H2BC10: variants seen among roughly 807,000 people sequenced by gnomAD.
H2BC10 encodes histone H2B type 1-C/E/F/G/I.
In H2BC10, 6 loss-of-function variants were observed where a neutral mutation model predicts 6.4. That is an observed-to-expected ratio of 0.93 (90% CI 0.51 to 1.84). The LOEUF is 1.84. Ranked by LOEUF, H2BC10 falls within the 40% of genes most tolerant of loss-of-function variation. The pLI, the probability that H2BC10 is intolerant of heterozygous loss-of-function variation, is 0.01. For synonymous variants in H2BC10, 120 were observed against 72.8 expected, an observed-to-expected ratio of 1.65 and a Z score of -3.30; for missense variants, 191 against 168.7, an observed-to-expected ratio of 1.13 and a Z score of -0.73.
chr6:26,273,050 G>A lies in H2BC10; in HGVS notation c.75G>A (p.Lys25=), dbSNP rs1201694359. 7 of 1,614,258 alleles carry A rather than the reference G, an allele frequency of 4.3e-6. No homozygotes were observed. The highest frequency in any genetic ancestry group is 4.5e-5 in the East Asian group (2 of 44,886). ...AGGCGGTGACCAAGGCACAGAAGAAGGATGGCAAGAAGCGCAAGCGCAGCC... is the reference window on the plus strand; with the variant it reads ...AGGCGGTGACCAAGGCACAGAAGAAAGATGGCAAGAAGCGCAAGCGCAGCC... ...SKKAVTKAQK[K]DGKKRKRSRK... is the part of the protein sequence containing the mutation. Residue 25 remains lysine, a synonymous_variant, in exon 1 of 1, where the codon AAG becomes AAA. Coordinates refer to ENST00000377733, the MANE Select transcript of H2BC10 (RefSeq NM_003525.3).
Position 26,272,998 on chromosome 6 carries a change from C to T in H2BC10, c.23C>T (p.Ala8Val). The change falls in exon 1 of 1, where the codon GCT becomes GTT. Residue 8 changes from alanine (A) to valine (V), a missense_variant. Transcript: ENST00000377733. The stretch of plus-strand genomic sequence containing the variant: ...AACATGCCTGAACCAGCTAAGTCAG[C>T]TCCCGCCCCGAAGAAGGGCTCCAAG... MPEPAKS[A>V]PAPKKGSKKA... 1 of 1,614,216 alleles carries T rather than the reference C, an allele frequency of 6.2e-7. No homozygotes were observed. The highest frequency in any genetic ancestry group is 8.5e-7 in the Non-Finnish European group (1 of 1,180,042).
chr6:26,273,101 G>T lies in H2BC10; in HGVS notation c.126G>T (p.Val42=), dbSNP rs760668916. 6.2e-7 allele frequency: 1 copy of T among 1,614,262 alleles called. No individual in the cohort carries two copies. The highest frequency in any genetic ancestry group is 8.5e-7 in the Non-Finnish European group (1 of 1,180,054). The change falls in exon 1 of 1, where the codon GTG becomes GTT. Residue 42 remains valine, a synonymous_variant. Transcript: ENST00000377733. ...RSRKESYSVY[V]YKVLKQVHPD... Reference sequence around the variant, plus strand: ...GCAAGGAGAGCTATTCCGTGTACGTGTACAAGGTGCTGAAGCAGGTCCACC... The same window carrying T: ...GCAAGGAGAGCTATTCCGTGTACGTTTACAAGGTGCTGAAGCAGGTCCACC...
rs1319550966 is a variant in H2BC10, at chr6:26,273,318, G to A, written c.343G>A (p.Gly115Ser). The A allele has an allele frequency of 1.2e-6, 2 of 1,614,044 alleles. No individual in the cohort carries two copies. The highest frequency in any genetic ancestry group is 1.7e-6 in the Non-Finnish European group (2 of 1,180,020). Reference sequence around the variant, plus strand: ...GCTGGCCAAACACGCGGTGTCGGAGGGCACCAAGGCGGTCACCAAGTACAC... The same window carrying A: ...GCTGGCCAAACACGCGGTGTCGGAGAGCACCAAGGCGGTCACCAAGTACAC... ...GELAKHAVSE[G>S]TKAVTKYTSS... Residue 115 changes from glycine to serine, a missense_variant, in exon 1 of 1, where the codon GGC becomes AGC. By Grantham distance (56) the Gly-to-Ser change is moderately conservative. Transcript: ENST00000377733.
rs765163815 is a variant in H2BC10 at position 26,272,972 on chromosome 6, G to A, written c.-4G>A. 1.9e-6 allele frequency: 3 copies of A among 1,614,156 alleles called. No individual in the cohort carries two copies. The highest frequency in any genetic ancestry group is 1.7e-6 in the Non-Finnish European group (2 of 1,180,040). On this transcript the variant is annotated 5_prime_UTR_variant, in exon 1 of 1. Coordinates refer to ENST00000377733, the MANE Select transcript of H2BC10 (RefSeq NM_003525.3). ...CATTTGACGGTATCACTTCGGCTGC[G>A]AACATGCCTGAACCAGCTAAGTCAG...
rs923259924 is a variant in H2BC10 at position 26,273,203 on chromosome 6, C to CGAG, written c.230_232dup (p.Glu77dup). ...ACGACATTTTCGAGCGCATTGCAGG[C>CGAG]GAGGCTTCCCGCCTGGCGCATTATA... On this transcript the variant is annotated inframe_insertion, in exon 1 of 1. Coordinates refer to ENST00000377733, the MANE Select transcript of H2BC10 (RefSeq NM_003525.3). 5 of 1,614,098 alleles carry CGAG rather than the reference C, an allele frequency of 3.1e-6. No individual in the cohort carries two copies. The African/African-American group carries it at 6.7e-5, about 22-fold the overall frequency.
rs1483389580 is a variant in H2BC10, at chr6:26,273,282, C to G, written c.307C>G (p.Leu103Val). ...GATCCAAACGGCTGTGCGCCTGCTGCTACCCGGGGAGCTGGCCAAACACGC... is the reference window on the plus strand; with the variant it reads ...GATCCAAACGGCTGTGCGCCTGCTGGTACCCGGGGAGCTGGCCAAACACGC... ...REIQTAVRLL[L>V]PGELAKHAVS... The change falls in exon 1 of 1, where the codon CTA (leucine) becomes GTA (valine). Residue 103 changes from leucine to valine, a missense_variant. By Grantham distance (32) the Leu-to-Val change is conservative (BLOSUM62 1). Coordinates refer to ENST00000377733, the MANE Select transcript of H2BC10 (RefSeq NM_003525.3). The G allele has an allele frequency of 6.2e-7, 1 of 1,614,236 alleles. No individual in the cohort carries two copies.
rs145382186 is a variant in H2BC10, at chr6:26,272,985, C to A, written c.10C>A (p.Pro4Thr). ...CACTTCGGCTGCGAACATGCCTGAACCAGCTAAGTCAGCTCCCGCCCCGAA... is the reference window on the plus strand; with the variant it reads ...CACTTCGGCTGCGAACATGCCTGAAACAGCTAAGTCAGCTCCCGCCCCGAA... Reference protein sequence around the residue: MPEPAKSAPAPKKG... With the variant: MPETAKSAPAPKKG... The change falls in exon 1 of 1, where the codon CCA becomes ACA. Residue 4 changes from proline to threonine, a missense_variant. Transcript: ENST00000377733. 3.3e-4 allele frequency: 525 copies of A among 1,614,086 alleles called. 2 individuals are homozygous for A. The highest frequency in any genetic ancestry group is 6.9e-5 in the Non-Finnish European group (81 of 1,180,056).
Position 26,272,962 on chromosome 6 carries a change from C to T in H2BC10, c.-14C>T, listed in dbSNP as rs201963051. On this transcript the variant is annotated 5_prime_UTR_variant, in exon 1 of 1. Coordinates refer to ENST00000377733, the MANE Select transcript of H2BC10 (RefSeq NM_003525.3). Reference sequence around the variant, plus strand: ...TTCCTGTGGTCATTTGACGGTATCACTTCGGCTGCGAACATGCCTGAACCA... The same window carrying T: ...TTCCTGTGGTCATTTGACGGTATCATTTCGGCTGCGAACATGCCTGAACCA... 24 of 1,614,076 alleles carry T rather than the reference C, an allele frequency of 1.5e-5. No homozygotes were observed. The Admixed American group carries it at 3.0e-4, about 20-fold the overall frequency.
At position 26,273,257 on chromosome 6, in the gene H2BC10, G is replaced by A. The variant is rs540774074; in HGVS notation, c.282G>A (p.Glu94=). The change falls in exon 1 of 1, where the codon GAG becomes GAA. Residue 94 remains glutamate (E), a synonymous_variant. Coordinates refer to ENST00000377733, the MANE Select transcript of H2BC10 (RefSeq NM_003525.3). The stretch of plus-strand genomic sequence containing the variant: ...AGCGCTCGACCATCACTTCCAGGGA[G>A]ATCCAAACGGCTGTGCGCCTGCTGC... ...YNKRSTITSR[E]IQTAVRLLLP... 4 of 1,614,204 alleles carry A rather than the reference G, an allele frequency of 2.5e-6. No homozygotes were observed. The highest frequency in any genetic ancestry group is 4.5e-5 in the East Asian group (2 of 44,880).
Position 26,272,988 on chromosome 6 carries a change from G to C in H2BC10, c.13G>C (p.Ala5Pro), listed in dbSNP as rs1240727430. The change falls in exon 1 of 1, where the codon GCT becomes CCT. Residue 5 changes from alanine (A) to proline (P), a missense_variant. Coordinates refer to ENST00000377733, the MANE Select transcript of H2BC10 (RefSeq NM_003525.3). ...TTCGGCTGCGAACATGCCTGAACCA[G>C]CTAAGTCAGCTCCCGCCCCGAAGAA... Reference protein sequence around the residue: MPEPAKSAPAPKKGS... With the variant: MPEPPKSAPAPKKGS... The C allele has an allele frequency of 1.2e-6, 2 of 1,614,210 alleles. No homozygotes were observed. The highest frequency in any genetic ancestry group is 1.7e-6 in the Non-Finnish European group (2 of 1,180,044).
Position 26,273,329 on chromosome 6 carries a change from G to C in H2BC10, c.354G>C (p.Ala118=). Residue 118 remains alanine, a synonymous_variant, in exon 1 of 1, where the codon GCG becomes GCC. Transcript: ENST00000377733. ...AKHAVSEGTK[A]VTKYTSSK ...ACGCGGTGTCGGAGGGCACCAAGGC[G>C]GTCACCAAGTACACCAGCTCCAAGT... 1 of 1,614,066 alleles carries C rather than the reference G, an allele frequency of 6.2e-7. No individual in the cohort carries two copies. Among genetic ancestry groups the C allele is most frequent in the Non-Finnish European group, 8.5e-7 (1 of 1,179,984 alleles).
Position 26,273,060 on chromosome 6 carries a change from A to T in H2BC10, c.85A>T (p.Lys29Ter). 1.2e-6 allele frequency: 2 copies of T among 1,614,274 alleles called. No individual in the cohort carries two copies. The highest frequency in any genetic ancestry group is 2.2e-5 in the East Asian group (1 of 44,890). ...CAAGGCACAGAAGAAGGATGGCAAGAAGCGCAAGCGCAGCCGCAAGGAGAG... is the reference window on the plus strand; with the variant it reads ...CAAGGCACAGAAGAAGGATGGCAAGTAGCGCAAGCGCAGCCGCAAGGAGAG... ...VTKAQKKDGK[K>*]RKRSRKESYS... Residue 29 changes from lysine to a stop codon, truncating the protein, a stop_gained, in exon 1 of 1, where the codon AAG (lysine) becomes TAG (stop). Coordinates refer to ENST00000377733, the MANE Select transcript of H2BC10 (RefSeq NM_003525.3). LOFTEE classifies it high-confidence loss of function.
At position 26,273,123 on chromosome 6, in the gene H2BC10, C is replaced by T; in HGVS notation, c.148C>T (p.His50Tyr). 2 of 1,614,262 alleles carry T rather than the reference C, an allele frequency of 1.2e-6. No individual in the cohort carries two copies. Among genetic ancestry groups the T allele is most frequent in the East Asian group, 2.2e-5 (1 of 44,894 alleles). Reference sequence around the variant, plus strand: ...CGTGTACAAGGTGCTGAAGCAGGTCCACCCCGACACCGGCATCTCGTCCAA... The same window carrying T: ...CGTGTACAAGGTGCTGAAGCAGGTCTACCCCGACACCGGCATCTCGTCCAA... ...VYVYKVLKQV[H>Y]PDTGISSKAM... Residue 50 changes from histidine to tyrosine, a missense_variant, in exon 1 of 1, where the codon CAC becomes TAC. By Grantham distance (83) the His-to-Tyr change is moderately conservative. Transcript: ENST00000377733.
Position 26,273,100 on chromosome 6 carries a change from T to C in H2BC10, c.125T>C (p.Val42Ala), listed in dbSNP as rs1349400495. Residue 42 changes from valine (V) to alanine (A), a missense_variant, in exon 1 of 1, where the codon GTG (valine) becomes GCG (alanine). Transcript: ENST00000377733. ...RSRKESYSVY[V>A]YKVLKQVHPD... ...CGCAAGGAGAGCTATTCCGTGTACGTGTACAAGGTGCTGAAGCAGGTCCAC... is the reference window on the plus strand; with the variant it reads ...CGCAAGGAGAGCTATTCCGTGTACGCGTACAAGGTGCTGAAGCAGGTCCAC... The C allele has an allele frequency of 3.7e-6, 6 of 1,614,040 alleles. No individual in the cohort carries two copies. In the African/African-American group the frequency reaches 4.0e-5, roughly 11 times the overall value.
rs1176783918 is a variant in H2BC10, at chr6:26,273,120, G to A, written c.145G>A (p.Val49Ile). Reference sequence around the variant, plus strand: ...GTACGTGTACAAGGTGCTGAAGCAGGTCCACCCCGACACCGGCATCTCGTC... The same window carrying A: ...GTACGTGTACAAGGTGCTGAAGCAGATCCACCCCGACACCGGCATCTCGTC... ...SVYVYKVLKQ[V>I]HPDTGISSKA... is the part of the protein sequence containing the mutation. The change falls in exon 1 of 1, where the codon GTC (valine) becomes ATC (isoleucine). Residue 49 changes from valine to isoleucine, a missense_variant. Coordinates refer to ENST00000377733, the MANE Select transcript of H2BC10 (RefSeq NM_003525.3). 6.2e-7 allele frequency: 1 copy of A among 1,614,246 alleles called. No homozygotes were observed. Among genetic ancestry groups the A allele is most frequent in the South Asian group, 1.1e-5 (1 of 91,084 alleles).
chr6:26,273,042 CAGA>C lies in H2BC10; in HGVS notation c.73_75del (p.Lys25del), dbSNP rs576204357. On this transcript the variant is annotated inframe_deletion, in exon 1 of 1. Coordinates refer to ENST00000377733, the MANE Select transcript of H2BC10 (RefSeq NM_003525.3). ...CTCCAAGAAGGCGGTGACCAAGGCACAGAAGAAGGATGGCAAGAAGCGCAAGCG... is the reference window on the plus strand; with the variant it reads ...CTCCAAGAAGGCGGTGACCAAGGCACAGAAGGATGGCAAGAAGCGCAAGCG... The C allele has an allele frequency of 1.8e-5, 29 of 1,614,242 alleles. No homozygotes were observed. The Admixed American group carries it at 2.2e-4, about 12-fold the overall frequency.
At position 26,272,983 on chromosome 6, in the gene H2BC10, A is replaced by C. The variant is rs751560107; in HGVS notation, c.8A>C (p.Glu3Ala). The C allele has an allele frequency of 1.2e-6, 2 of 1,614,212 alleles. No homozygotes were observed. Among genetic ancestry groups the C allele is most frequent in the Non-Finnish European group, 1.7e-6 (2 of 1,180,036 alleles). The part of the protein sequence containing the change: MP[E>A]PAKSAPAPKK... ...ATCACTTCGGCTGCGAACATGCCTG[A>C]ACCAGCTAAGTCAGCTCCCGCCCCG... The change falls in exon 1 of 1, where the codon GAA (glutamate) becomes GCA (alanine). Residue 3 changes from glutamate (E) to alanine (A), a missense_variant. By Grantham distance (107) the Glu-to-Ala change is moderately radical (BLOSUM62 -1). Transcript: ENST00000377733.
chr6:26,273,237 T>C lies in H2BC10; in HGVS notation c.262T>C (p.Ser88Pro). The C allele has an allele frequency of 6.2e-7, 1 of 1,614,220 alleles. No individual in the cohort carries two copies. Among genetic ancestry groups the C allele is most frequent in the Non-Finnish European group, 8.5e-7 (1 of 1,180,042 alleles). ...ASRLAHYNKR[S>P]TITSREIQTA... The stretch of plus-strand genomic sequence containing the variant: ...CCGCCTGGCGCATTATAACAAGCGC[T>C]CGACCATCACTTCCAGGGAGATCCA... Residue 88 changes from serine to proline, a missense_variant, in exon 1 of 1, where the codon TCG becomes CCG. By Grantham distance (74) the Ser-to-Pro change is moderately conservative. Transcript: ENST00000377733.
Position 26,273,180 on chromosome 6 carries a change from G to A in H2BC10, c.205G>A (p.Asp69Asn). The A allele has an allele frequency of 1.9e-6, 3 of 1,614,218 alleles. No individual in the cohort carries two copies. The highest frequency in any genetic ancestry group is 2.5e-6 in the Non-Finnish European group (3 of 1,180,040). Residue 69 changes from aspartate (D) to asparagine (N), a missense_variant, in exon 1 of 1, where the codon GAC (aspartate) becomes AAC (asparagine). Physicochemically the swap from Asp to Asn is conservative, Grantham distance 23. Coordinates refer to ENST00000377733, the MANE Select transcript of H2BC10 (RefSeq NM_003525.3). ...AMGIMNSFVN[D>N]IFERIAGEAS... Reference sequence around the variant, plus strand: ...GGGGATTATGAACTCCTTCGTCAACGACATTTTCGAGCGCATTGCAGGCGA... The same window carrying A: ...GGGGATTATGAACTCCTTCGTCAACAACATTTTCGAGCGCATTGCAGGCGA...
Sources: allele counts gnomAD v4.1 joint callset, GRCh38; gene constraint gnomAD v4.1.1; transcripts MANE v1.5; gene names NCBI Gene and HGNC (gene_info 2026-07-23, HGNC 2026-07-21).